PCCA: variants seen among roughly 807,000 people sequenced by gnomAD.
PCCA encodes the protein propionyl-CoA carboxylase alpha chain, mitochondrial.
A neutral mutation model predicts 101.3 loss-of-function variants in PCCA; 74 were observed. The observed-to-expected ratio is 0.73, with a 90% confidence interval of 0.61 to 0.89. The LOEUF (loss-of-function observed/expected upper bound fraction) is 0.89, where lower values mean the gene tolerates loss of function less well. Among genes scored for constraint, PCCA ranks in the 40% least tolerant of loss-of-function variants. The pLI is 0.00. For missense variants in PCCA, 891 were observed against 907.0 expected (o/e 0.98, Z 0.23); for synonymous variants, 294 against 313.6 (o/e 0.94, Z 0.66).
intron 21 of PCCA, chr13:100,491,331 C>T (rs573709839): frequency 5.8e-6 from 1 of 173,178 alleles, no homozygotes; most frequent in Non-Finnish European, 1.2e-5. Context: ...TGTGTGTGCG[C>T]AACTCAGCTT....
At chr13:100,219,766 T>C (rs2059708406) in intron 7 of PCCA, among the ~76,000 whole-genome samples, 1 of 152,214 alleles carries the variant, frequency 6.6e-6, no homozygotes, top group Admixed American at 6.5e-5. Flanking sequence ...CTACTATCAT[T>C]TTTTCCCAAT....
chr13:100,242,781 G>C (rs1318140194), intron 8 of PCCA, among the ~76,000 whole-genome samples: 1 of 152,116 alleles, frequency 6.6e-6, no homozygotes, highest in African/African-American at 2.4e-5. Flanking sequence ...TATATTGATG[G>C]ATTGCTCTTT....
chr13:100,524,374 C>CGTGTGTGTGTGTGGT (rs1555330170), intron 22 of PCCA, among the ~76,000 whole-genome samples: 1 of 139,082 alleles, frequency 7.2e-6, no homozygotes, highest in Non-Finnish European at 1.6e-5. Flanking sequence ...CAATTAAGCT[C>CGTGTGTGTGTGTGGT]GTGTGTGTGT....
intron 4 of PCCA, among the ~76,000 whole-genome samples, chr13:100,136,152 G>A (rs1465702310): frequency 7.2e-6 from 1 of 139,052 alleles, no homozygotes; most frequent in Non-Finnish European, 1.6e-5. Context: ...ATTGGGAAAT[G>A]TTTCTTCTCT....
At chr13:100,202,157 C>A (rs2058556455) in intron 6 of PCCA, among the ~76,000 whole-genome samples, 1 of 132,312 alleles carries the variant, frequency 7.6e-6, no homozygotes, top group Admixed American at 8.4e-5. Flanking sequence ...TAGCAAGACT[C>A]CATCTCTACC....
At chr13:100,336,037 C>A (rs141705844) in intron 17 of PCCA, among the ~76,000 whole-genome samples, 3 of 151,998 alleles carry the variant, frequency 2.0e-5, no homozygotes, top group Non-Finnish European at 4.4e-5. Flanking sequence ...CCGAGTGGGG[C>A]GGATCGCCTG....
chr13:100,478,545 C>G (rs1208112733), intron 21 of PCCA, among the ~76,000 whole-genome samples: 1 of 152,194 alleles, frequency 6.6e-6, no homozygotes, highest in African/African-American at 2.4e-5. Flanking sequence ...CAGCCTCTGA[C>G]TTAGTTCTCA....
At position 100,260,395 on chromosome 13, in the gene PCCA, GTGTTTTTT is replaced by G. The variant is rs1486726249; in HGVS notation, c.717-2332_717-2325del. Among the ~76,000 whole-genome samples, 12 of 148,866 alleles carry G rather than the reference GTGTTTTTT, an allele frequency of 8.1e-5. No individual in the cohort carries two copies. In the East Asian group the frequency reaches 2.4e-3, roughly 29 times the overall value. ...GCAAATTAGTTGTGTGTGTGTGTGT[GTGTTTTTT>G]TTTTTTTTTTTGAGATGGAGTCTCG... On this transcript the variant is annotated intron_variant, in intron 9 of 23. Transcript: ENST00000376285.
intron 7 of PCCA, among the ~76,000 whole-genome samples, chr13:100,218,176 A>G (rs747641566): frequency 2.0e-5 from 3 of 151,480 alleles, no homozygotes; most frequent in Non-Finnish European, 4.4e-5. Context: ...GTATTTGCTT[A>G]TATATTTGTT....
At chr13:100,456,947 C>T (rs896435664) in intron 21 of PCCA, among the ~76,000 whole-genome samples, 12 of 152,032 alleles carry the variant, frequency 7.9e-5, no homozygotes, top group Admixed American at 7.9e-4. Context: ...GGAAAAGAGA[C>T]TCCGTTTCGC....
chr13:100,409,102 G>C (rs1173255938), intron 19 of PCCA, among the ~76,000 whole-genome samples: 2 of 152,106 alleles, frequency 1.3e-5, no homozygotes, highest in African/African-American at 4.8e-5. Flanking sequence ...GGAGGAGGGA[G>C]GTAGGGAGCT....
chr13:100,468,273 T>A (rs1388378560), intron 21 of PCCA, among the ~76,000 whole-genome samples: 4 of 152,150 alleles, frequency 2.6e-5, no homozygotes, highest in African/African-American at 7.2e-5. Context: ...CTAAGGGCCC[T>A]GGGATTTTCA....
At chr13:100,340,315 T>C in intron 18 of PCCA, 56 bp downstream of exon 18, 1 of 902,438 alleles carries the variant, frequency 1.1e-6, no homozygotes, top group South Asian at 1.3e-5. Flanking sequence ...GATAATCCAG[T>C]CTACATAGGA....
chr13:100,331,934 A>ATTTT (rs34411352), intron 17 of PCCA, among the ~76,000 whole-genome samples: 13 of 89,770 alleles, frequency 1.4e-4, no homozygotes, highest in Non-Finnish European at 2.4e-4. Context: ...ATTACTTTGG[A>ATTTT]TTTTTTTTTT....
chr13:100,299,873 C>T (rs1184706470), intron 12 of PCCA, among the ~76,000 whole-genome samples: 1 of 152,130 alleles, frequency 6.6e-6, no homozygotes, highest in Admixed American at 6.5e-5. Context: ...CCACCACACC[C>T]GGCTAATTGT....
chr13:100,464,602 C>A (rs1302916695), intron 21 of PCCA: 1 of 151,998 alleles, frequency 6.6e-6, no homozygotes, highest in Non-Finnish European at 1.5e-5. Context: ...AAATATTGTT[C>A]CCTTTTATTT....
intron 17 of PCCA, among the ~76,000 whole-genome samples, chr13:100,336,823 C>T (rs1458108806): frequency 6.6e-6 from 1 of 152,174 alleles, no homozygotes; most frequent in Non-Finnish European, 1.5e-5. Flanking sequence ...ATGTTGTGAA[C>T]GTTCCAAGGC....
intron 20 of PCCA, among the ~76,000 whole-genome samples, chr13:100,444,788 A>C (rs2080686599): frequency 1.3e-5 from 2 of 152,084 alleles, no homozygotes; most frequent in African/African-American, 4.8e-5. Flanking sequence ...GGTCTCCCAA[A>C]GTGCTGGGAT....
intron 22 of PCCA, among the ~76,000 whole-genome samples, chr13:100,526,621 G>T (rs926074549): frequency 2.6e-5 from 4 of 152,242 alleles, no homozygotes; most frequent in Non-Finnish European, 5.9e-5. Context: ...GGGGCCAGGA[G>T]CCCCATGCCA....
Sources: gnomAD v4.1 joint callset for allele counts (sites outside exome capture counted in the v4.1 genomes callset) on GRCh38, gnomAD v4.1.1 for gene constraint, MANE v1.5 for transcripts, NCBI Gene and HGNC (gene_info 2026-07-23, HGNC 2026-07-21) for gene names.